The following PTPRT variants were observed in gnomAD, a reference collection of about 807,000 sequenced individuals.
The protein encoded by PTPRT is protein tyrosine phosphatase receptor type T, also known as receptor-type tyrosine-protein phosphatase T.
A neutral mutation model predicts 176.8 loss-of-function variants in PTPRT; 56 were observed. The observed-to-expected ratio is 0.32, with a 90% CI of 0.26 to 0.40. The LOEUF (loss-of-function observed/expected upper bound fraction) is 0.40. PTPRT is among the 10% of genes least tolerant of loss of function. PTPRT has a pLI of 1.00. For synonymous variants in PTPRT, 783 were observed against 739.0 expected (o/e 1.06, Z -0.96); for missense variants, 1,540 against 1,908.2 (o/e 0.81, Z 3.60).
intron 2 of PTPRT, 131 bp from the exon 3 acceptor site, chr20:42,791,597 G>A: frequency 2.0e-6 from 2 of 997,046 alleles, no homozygotes; most frequent in Non-Finnish European, 2.9e-6. Flanking sequence ...AGAAGGGTCT[G>A]GGTGACCCTG....
chr20:42,685,304 T>TCC (rs1164695806), intron 6 of PTPRT: 1 of 152,120 alleles, frequency 6.6e-6, no homozygotes, highest in Non-Finnish European at 1.5e-5. Context: ...TTTACCCTAG[T>TCC]CCGCCTTGTG....
chr20:42,486,400 A>C lies in PTPRT; in HGVS notation c.1154-13838T>G, dbSNP rs559178631. 2.2e-4 allele frequency among the ~76,000 whole-genome samples: 34 copies of C among 152,278 alleles called. 1 individual carries two copies. The highest frequency in any genetic ancestry group is 7.5e-4 in the African/African-American group (31 of 41,564). Reference sequence around the variant, plus strand: ...ACTTTCCATCTTCCTCCATCTGCAAATAGTCTTGCTCAGATACTTGATGTT... The same window carrying C: ...ACTTTCCATCTTCCTCCATCTGCAACTAGTCTTGCTCAGATACTTGATGTT... On this transcript the variant is annotated intron_variant, in intron 7 of 30. Transcript: ENST00000373187.
At chr20:42,763,055 C>T (rs997228041) in intron 5 of PTPRT, among the ~76,000 whole-genome samples, 2 of 152,196 alleles carry the variant, frequency 1.3e-5, no homozygotes, top group African/African-American at 4.8e-5. Flanking sequence ...CCTTCCACCC[C>T]CAGGCAAGAC....
At chr20:42,131,068 G>C (rs79410534) in intron 18 of PTPRT, among the ~76,000 whole-genome samples, 2 of 152,106 alleles carry the variant, frequency 1.3e-5, no homozygotes, top group Non-Finnish European at 2.9e-5. Flanking sequence ...AGGACTTCTC[G>C]GTTAGGTTTA....
rs557628 is a variant in PTPRT at position 42,903,769 on chromosome 20, A to T, written c.89-17837T>A. 4.4e-3 allele frequency among the ~76,000 whole-genome samples: 664 copies of T among 152,342 alleles called. 6 individuals carry two copies. Among genetic ancestry groups the T allele is most frequent in the African/African-American group, 0.015 (622 of 41,582 alleles). On this transcript the variant is annotated intron_variant, in intron 1 of 30. Transcript: ENST00000373187. The stretch of plus-strand genomic sequence containing the variant: ...TTATTTGGATACCAAGATTGGGTCA[A>T]GCCAAAGGGAATGGTGGATTCAGCA...
At chr20:42,331,993 C>T (rs190266664) in intron 11 of PTPRT, among the ~76,000 whole-genome samples, 97 of 151,928 alleles carry the variant, frequency 6.4e-4, no homozygotes, top group Non-Finnish European at 1.1e-3. Context: ...CCCAACTGTA[C>T]TTGTCATTAT....
At chr20:42,908,853 T>A (rs578036997) in intron 1 of PTPRT, among the ~76,000 whole-genome samples, 1 of 152,294 alleles carries the variant, frequency 6.6e-6, no homozygotes, top group East Asian at 1.9e-4. Context: ...TAGTATTGGT[T>A]TAATTATACA....
chr20:42,032,380 A>T, the PTPRT span, among the ~76,000 whole-genome samples: 1 of 152,178 alleles, frequency 6.6e-6, no homozygotes, highest in Non-Finnish European at 1.5e-5. Flanking sequence ...GAACAAACTT[A>T]TTTCAAGGAG....
chr20:43,068,372 GC>G (rs1213660857), intron 1 of PTPRT, among the ~76,000 whole-genome samples: 1 of 151,410 alleles, frequency 6.6e-6, no homozygotes, highest in Non-Finnish European at 1.5e-5. Context: ...GGGCATGGTG[GC>G]GGGGAACCTG....
At chr20:42,970,190 A>C (rs1982542890) in intron 1 of PTPRT, among the ~76,000 whole-genome samples, 1 of 152,198 alleles carries the variant, frequency 6.6e-6, no homozygotes, top group Admixed American at 6.5e-5. Flanking sequence ...TTCTTAGTCG[A>C]GGTACAAGGC....
chr20:42,837,836 CA>C (rs1174758374), intron 2 of PTPRT, among the ~76,000 whole-genome samples: 2 of 152,052 alleles, frequency 1.3e-5, no homozygotes, highest in Non-Finnish European at 2.9e-5. Flanking sequence ...ATAATTTCAG[CA>C]GACATTTAGG....
At chr20:42,192,783 T>C (rs1158767113) in intron 16 of PTPRT, among the ~76,000 whole-genome samples, 1 of 152,212 alleles carries the variant, frequency 6.6e-6, no homozygotes, top group Non-Finnish European at 1.5e-5. Context: ...CCTCTCTCTC[T>C]ATAACTACCC....
chr20:42,145,182 T>C (rs1988805528), intron 17 of PTPRT, among the ~76,000 whole-genome samples: 1 of 152,162 alleles, frequency 6.6e-6, no homozygotes, highest in Admixed American at 6.5e-5. Context: ...GTCATGGCTA[T>C]GTTCAAATAC....
intron 7 of PTPRT, among the ~76,000 whole-genome samples, chr20:42,668,693 ATTCT>A (rs2075359661): frequency 8.3e-6 from 1 of 121,188 alleles, no homozygotes; most frequent in South Asian, 2.6e-4. Flanking sequence ...TCTGCGGATA[ATTCT>A]TTTTTTTTTT....
chr20:42,740,625 A>G (rs113282646), intron 6 of PTPRT, among the ~76,000 whole-genome samples: 77 of 152,332 alleles, frequency 5.1e-4, no homozygotes, highest in African/African-American at 1.8e-3. Context: ...CCGAGATGCA[A>G]AAGAAAGGCA....
At chr20:42,480,653 C>T (rs1352343426) in intron 7 of PTPRT, among the ~76,000 whole-genome samples, 1 of 152,088 alleles carries the variant, frequency 6.6e-6, no homozygotes, top group Non-Finnish European at 1.5e-5. Flanking sequence ...AAGTCTTTTG[C>T]AGGGGAAGTA....
At chr20:42,369,761 A>T (rs780534953) in intron 9 of PTPRT, among the ~76,000 whole-genome samples, 6 of 152,188 alleles carry the variant, frequency 3.9e-5, no homozygotes, top group Non-Finnish European at 5.9e-5. Context: ...GGAAGAGAAA[A>T]GGAAGAGAAG....
At chr20:42,872,836 G>A (rs1406014609) in intron 2 of PTPRT, among the ~76,000 whole-genome samples, 1 of 152,154 alleles carries the variant, frequency 6.6e-6, no homozygotes, top group African/African-American at 2.4e-5. Context: ...GGTGTAGGAA[G>A]CCCAGAGAAA....
At chr20:42,693,841 G>T (rs970745459) in intron 6 of PTPRT, among the ~76,000 whole-genome samples, 1 of 151,962 alleles carries the variant, frequency 6.6e-6, no homozygotes, top group Non-Finnish European at 1.5e-5. Flanking sequence ...GGTTTCTCAC[G>T]CTACTCCTTT....
Sources: allele counts gnomAD v4.1 joint callset (sites outside exome capture counted in the v4.1 genomes callset), GRCh38; gene constraint gnomAD v4.1.1; transcripts MANE v1.5; gene names NCBI Gene and HGNC (gene_info 2026-07-23, HGNC 2026-07-21).